HEMK2: variants seen among roughly 807,000 people sequenced by gnomAD.
The protein encoded by HEMK2 is HemK methyltransferase 2, ETF1 glutamine and histone H4 lysine.
chr21:28,826,094 G>T, the HEMK2 span, among the ~76,000 whole-genome samples: 56 of 152,314 alleles, frequency 3.7e-4, no homozygotes, highest in African/African-American at 1.3e-3. Flanking sequence ...CACGTTAAAT[G>T]ACTCCTCAGG....
the HEMK2 span, among the ~76,000 whole-genome samples, chr21:28,842,990 C>A: frequency 6.6e-6 from 1 of 152,086 alleles, no homozygotes; most frequent in Non-Finnish European, 1.5e-5. Flanking sequence ...ACAGTTTGGT[C>A]TTGATAAAAT....
chr21:28,606,301 G>C, the HEMK2 span, among the ~76,000 whole-genome samples: 2 of 152,122 alleles, frequency 1.3e-5, no homozygotes, highest in Non-Finnish European at 2.9e-5. Context: ...TACCAAAATC[G>C]TATTGTTCTC....
chr21:28,591,522 T>C, the HEMK2 span, among the ~76,000 whole-genome samples: 58,638 of 152,056 alleles, frequency 0.39, 11,729 homozygotes, highest in Middle Eastern at 0.48. Context: ...CATCAGTAAG[T>C]TGAACAAGCT....
At chr21:28,847,922 G>C in the HEMK2 span, among the ~76,000 whole-genome samples, 1 of 152,180 alleles carries the variant, frequency 6.6e-6, no homozygotes, top group Non-Finnish European at 1.5e-5. Flanking sequence ...TCAAAGACCA[G>C]ATAGTCGTAG....
the HEMK2 span, among the ~76,000 whole-genome samples, chr21:28,706,107 C>G: frequency 6.6e-6 from 1 of 152,082 alleles, no homozygotes; most frequent in East Asian, 1.9e-4. Context: ...CTACCTACCA[C>G]ACCACCTATC....
At chr21:28,730,404 ACACACACACACAC>A in the HEMK2 span, among the ~76,000 whole-genome samples, 1 of 105,930 alleles carries the variant, frequency 9.4e-6, no homozygotes, top group Non-Finnish European at 1.7e-5. Context: ...ACACACACAC[ACACACACACACAC>A]ATTTCTCACA....
At chr21:28,599,059 A>G in the HEMK2 span, among the ~76,000 whole-genome samples, 1 of 152,268 alleles carries the variant, frequency 6.6e-6, no homozygotes, top group African/African-American at 2.4e-5. Context: ...AGTCTGCACT[A>G]TGGAGCTAGT....
At chr21:28,731,105 G>A in the HEMK2 span, among the ~76,000 whole-genome samples, 19 of 152,320 alleles carry the variant, frequency 1.2e-4, no homozygotes, top group African/African-American at 4.6e-4. Context: ...GGAAGTGGTG[G>A]AGAGAGGCTT....
chr21:28,821,343 C>T, the HEMK2 span, among the ~76,000 whole-genome samples: 9 of 152,296 alleles, frequency 5.9e-5, no homozygotes, highest in East Asian at 1.9e-4. Flanking sequence ...GATTCTTAAC[C>T]TCTCTGAGCC....
At chr21:28,841,228 TTATATATA>T in the HEMK2 span, among the ~76,000 whole-genome samples, 6 of 5,868 alleles carry the variant, frequency 1.0e-3, 1 homozygote, top group East Asian at 0.059. Context: ...ATATTATATA[TTATATATA>T]TTTATATATA....
chr21:28,613,097 A>AGAAAGAT, the HEMK2 span, among the ~76,000 whole-genome samples: 2 of 150,794 alleles, frequency 1.3e-5, no homozygotes, highest in African/African-American at 4.9e-5. Flanking sequence ...GATAGATAGA[A>AGAAAGAT]AGATAGATAG....
At chr21:28,611,847 G>A in the HEMK2 span, among the ~76,000 whole-genome samples, 226 of 151,186 alleles carry the variant, frequency 1.5e-3, 1 homozygote, top group Admixed American at 4.2e-3. Context: ...GGGAAGCAGA[G>A]GTTGCAGTGA....
the HEMK2 span, among the ~76,000 whole-genome samples, chr21:28,810,687 C>T: frequency 6.6e-6 from 1 of 152,172 alleles, no homozygotes; most frequent in Non-Finnish European, 1.5e-5. Flanking sequence ...TAGACAATAT[C>T]GAGCACATCT....
chr21:28,869,202 C>T, the HEMK2 span, among the ~76,000 whole-genome samples: 1 of 152,120 alleles, frequency 6.6e-6, no homozygotes, highest in African/African-American at 2.4e-5. Context: ...AACGTATATC[C>T]ACATCTGTTG....
the HEMK2 span, among the ~76,000 whole-genome samples, chr21:28,877,536 A>G: frequency 1.6e-4 from 24 of 146,760 alleles, no homozygotes; most frequent in East Asian, 4.5e-3. Context: ...AAGAGAAGAG[A>G]AGAGAGAGAG....
the HEMK2 span, among the ~76,000 whole-genome samples, chr21:28,815,580 C>T: frequency 6.6e-6 from 1 of 151,988 alleles, no homozygotes; most frequent in African/African-American, 2.4e-5. Flanking sequence ...AGGGTGCCAC[C>T]TTACATAGCA....
the HEMK2 span, among the ~76,000 whole-genome samples, chr21:28,812,335 G>T: frequency 7.9e-5 from 12 of 152,096 alleles, no homozygotes; most frequent in African/African-American, 2.9e-4. Context: ...CTAGTTTATT[G>T]AAAGTTTTTA....
At chr21:28,635,803 T>C in the HEMK2 span, among the ~76,000 whole-genome samples, 2 of 152,190 alleles carry the variant, frequency 1.3e-5, no homozygotes, top group Admixed American at 6.5e-5. Flanking sequence ...TAGAACTTTC[T>C]ACAATAATGG....
At chr21:28,698,045 C>A in the HEMK2 span, among the ~76,000 whole-genome samples, 2 of 152,160 alleles carry the variant, frequency 1.3e-5, no homozygotes, top group African/African-American at 4.8e-5. Flanking sequence ...TGGGCCTCTT[C>A]TATAAGGAGA....
Sources: allele counts gnomAD v4.1 joint callset (sites outside exome capture counted in the v4.1 genomes callset), GRCh38; gene constraint gnomAD v4.1.1; transcripts MANE v1.5; gene names NCBI Gene and HGNC (gene_info 2026-07-23, HGNC 2026-07-21).